ARHGAP35: variants seen among roughly 807,000 people sequenced by gnomAD.
ARHGAP35 encodes the protein Rho GTPase activating protein 35.
A neutral mutation model predicts 111.1 loss-of-function variants in ARHGAP35; 15 were observed. That is an observed-to-expected ratio of 0.13 (90% confidence interval 0.09 to 0.21). The LOEUF (loss-of-function observed/expected upper bound fraction) is 0.21, where lower values mean the gene tolerates loss of function less well. Ranked by LOEUF, ARHGAP35 falls within the 10% of genes least tolerant of loss-of-function variation. The probability of loss-of-function intolerance (pLI) is 1.00; values close to 1 mark genes in which losing one functional copy is unlikely to be tolerated. For missense variants in ARHGAP35, 1,262 were observed against 1,873.0 expected, an observed-to-expected ratio of 0.67 and a Z score of 6.02; for synonymous variants, 643 against 710.3, an observed-to-expected ratio of 0.91 and a Z score of 1.51.
intron 1 of ARHGAP35, among the ~76,000 whole-genome samples, chr19:46,863,633 G>A (rs1010719094): frequency 6.6e-6 from 1 of 151,984 alleles, no homozygotes; most frequent in Non-Finnish European, 1.5e-5. Context: ...AGCAACCCTA[G>A]GAGTGTCCTT....
chr19:46,958,230 A>G (rs2056452834), intron 3 of ARHGAP35, among the ~76,000 whole-genome samples: 1 of 151,790 alleles, frequency 6.6e-6, no homozygotes, highest in Non-Finnish European at 1.5e-5. Flanking sequence ...AAAAATACAA[A>G]ACAATTAGCC....
intron 1 of ARHGAP35, among the ~76,000 whole-genome samples, chr19:46,870,650 TGAG>T (rs1175345494): frequency 6.6e-6 from 1 of 151,950 alleles, no homozygotes; most frequent in African/African-American, 2.4e-5. Context: ...CTTTGATAAA[TGAG>T]GAAGAAGAGA....
rs2056194967 is a variant in ARHGAP35, at chr19:46,920,820, T to C, written c.2145T>C (p.His715=). 2 of 1,612,518 alleles carry C rather than the reference T, an allele frequency of 1.2e-6. No individual in the cohort carries two copies. The highest frequency in any genetic ancestry group is 1.7e-6 in the Non-Finnish European group (2 of 1,179,166). ...KRGDTSGETL[H]SLIQQGQQIA... is the part of the protein sequence containing the mutation. ...GAGACACCAGTGGAGAGACTCTGCA[T>C]AGCTTAATACAGCAAGGTCAACAAA... The change falls in exon 2 of 7, where the codon CAT becomes CAC. Residue 715 remains histidine (H), a synonymous_variant. Transcript: ENST00000672722. The surrounding 1 kb of genome is among the most constrained non-coding windows in gnomAD (Gnocchi z 7.0).
intron 2 of ARHGAP35, among the ~76,000 whole-genome samples, chr19:46,933,137 CTTTTTT>C (rs1174653724): frequency 5.0e-5 from 5 of 99,544 alleles, no homozygotes; most frequent in African/African-American, 1.2e-4. Flanking sequence ...AGTGTGCCTT[CTTTTTT>C]TTTTTTTTTT....
chr19:46,906,148 C>T (rs1026681804), intron 1 of ARHGAP35, among the ~76,000 whole-genome samples: 1 of 152,046 alleles, frequency 6.6e-6, no homozygotes, highest in African/African-American at 2.4e-5. Flanking sequence ...GAGATCCTGT[C>T]TTTACAAAAA....
intron 1 of ARHGAP35, among the ~76,000 whole-genome samples, chr19:46,875,305 T>C (rs1451960079): frequency 6.6e-6 from 1 of 152,178 alleles, no homozygotes; most frequent in Non-Finnish European, 1.5e-5. Flanking sequence ...AATTGCAAAA[T>C]AAAGTGTTTT....
chr19:46,971,777 T>A (rs1424045500), intron 3 of ARHGAP35, among the ~76,000 whole-genome samples: 3 of 151,192 alleles, frequency 2.0e-5, no homozygotes, highest in Non-Finnish European at 4.4e-5. Flanking sequence ...GGATTACAGG[T>A]GTGAGCCACC....
At chr19:46,915,067 G>T (rs760717815) in intron 1 of ARHGAP35, among the ~76,000 whole-genome samples, 1 of 152,178 alleles carries the variant, frequency 6.6e-6, no homozygotes, top group African/African-American at 2.4e-5. Context: ...CTGAGGCTCT[G>T]TTCAACCTAA....
At chr19:46,987,547 A>G (rs2056657949) in intron 3 of ARHGAP35, among the ~76,000 whole-genome samples, 1 of 152,224 alleles carries the variant, frequency 6.6e-6, no homozygotes, top group South Asian at 2.1e-4. Context: ...GACTATTCTT[A>G]CAGTGATCAT....
intron 3 of ARHGAP35, among the ~76,000 whole-genome samples, chr19:46,940,656 T>G (rs535608388): frequency 2.0e-4 from 30 of 151,954 alleles, no homozygotes; most frequent in African/African-American, 7.2e-4. Flanking sequence ...GGGGTTTCTG[T>G]GTTTCCCAGG....
At chr19:46,904,334 A>T (rs2056095282) in intron 1 of ARHGAP35, among the ~76,000 whole-genome samples, 1 of 152,172 alleles carries the variant, frequency 6.6e-6, no homozygotes, top group Non-Finnish European at 1.5e-5. Context: ...AAGTTTTCTT[A>T]GTTGTTCATC....
Position 46,930,594 on chromosome 19 carries a change from A to G in ARHGAP35, c.3682-6670A>G, listed in dbSNP as rs145912366. Among the ~76,000 whole-genome samples the G allele has an allele frequency of 2.5e-3, 370 of 147,880 alleles. 1 individual carries two copies. Among genetic ancestry groups the G allele is most frequent in the African/African-American group, 9.0e-3 (359 of 39,782 alleles). ...CGGCTATACTAGATGGTACAACTCTAGTGAACATATTTTCTGACTCTAAAA... is the reference window on the plus strand; with the variant it reads ...CGGCTATACTAGATGGTACAACTCTGGTGAACATATTTTCTGACTCTAAAA... On this transcript the variant is annotated intron_variant, in intron 2 of 6. Coordinates refer to ENST00000672722, the MANE Select transcript of ARHGAP35 (RefSeq NM_004491.5).
chr19:46,975,667 C>CT (rs1196096774), intron 3 of ARHGAP35, among the ~76,000 whole-genome samples: 1 of 152,220 alleles, frequency 6.6e-6, no homozygotes, highest in Non-Finnish European at 1.5e-5. Context: ...CGTTCCAGCC[C>CT]TTTTCCTGTC....
intron 5 of ARHGAP35, among the ~76,000 whole-genome samples, chr19:46,997,289 T>C (rs2056716070): frequency 1.3e-5 from 2 of 152,180 alleles, no homozygotes; most frequent in Non-Finnish European, 2.9e-5. Context: ...AGACAGATGT[T>C]ACCAAGACAC....
intron 1 of ARHGAP35, among the ~76,000 whole-genome samples, chr19:46,869,943 CTTTTT>C (rs746775975): frequency 1.8e-5 from 2 of 111,130 alleles, no homozygotes; most frequent in Non-Finnish European, 3.6e-5. Flanking sequence ...TCACTGTGTA[CTTTTT>C]TTTTTTTTTT....
chr19:46,918,720 C>T lies in ARHGAP35; in HGVS notation c.45C>T (p.Asn15=). Residue 15 remains asparagine, a synonymous_variant, in exon 2 of 7, where the codon AAC becomes AAT. Coordinates refer to ENST00000672722, the MANE Select transcript of ARHGAP35 (RefSeq NM_004491.5). This position sits in a 1 kb window ranked among gnomAD's most constrained non-coding sequence, Gnocchi z 5.4. ...AAGATGTCCGAATTCCCACCTACAA[C>T]ATCAGTGTGGTGGGATTATCTGGGA... is the stretch of plus-strand genomic sequence containing the variant. ...RKQDVRIPTY[N]ISVVGLSGTE... is the part of the protein sequence containing the mutation. The T allele has an allele frequency of 1.2e-6, 2 of 1,613,956 alleles. No homozygotes were observed. The highest frequency in any genetic ancestry group is 1.7e-6 in the Non-Finnish European group (2 of 1,179,864).
intron 1 of ARHGAP35, among the ~76,000 whole-genome samples, chr19:46,905,529 C>T (rs892958503): frequency 5.9e-5 from 9 of 151,332 alleles, no homozygotes; most frequent in African/African-American, 2.2e-4. Context: ...GCGCCTGCCA[C>T]CGCGCCCAGC....
At chr19:46,882,922 G>A (rs1280975508) in intron 1 of ARHGAP35, among the ~76,000 whole-genome samples, 1 of 151,962 alleles carries the variant, frequency 6.6e-6, no homozygotes. Context: ...CTTTTCCTTC[G>A]CTTTAACAAT....
chr19:46,865,827 C>A (rs1414528660), intron 1 of ARHGAP35, among the ~76,000 whole-genome samples: 1 of 152,188 alleles, frequency 6.6e-6, no homozygotes, highest in Non-Finnish European at 1.5e-5. Flanking sequence ...TAAACAATGT[C>A]TTGATTTACA....
Sources: gnomAD v4.1 joint callset for allele counts (sites outside exome capture counted in the v4.1 genomes callset) on GRCh38, gnomAD v4.1.1 for gene constraint, Gnocchi (gnomAD v3.1) non-coding constraint, MANE v1.5 for transcripts, NCBI Gene and HGNC (gene_info 2026-07-23, HGNC 2026-07-21) for gene names.